AUTS2: variants seen among roughly 807,000 people sequenced by gnomAD.
AUTS2 encodes activator of transcription and developmental regulator AUTS2.
A neutral mutation model predicts 112.4 loss-of-function variants in AUTS2; 17 were observed. The ratio of observed to expected loss-of-function variants is 0.15; its 90% confidence interval spans 0.10 to 0.23. AUTS2 has a LOEUF of 0.23. AUTS2 is among the 10% of genes least tolerant of loss of function. AUTS2 has a pLI of 1.00. For missense variants in AUTS2, 1,510 were observed against 1,701.6 expected (o/e 0.89, Z 1.98); for synonymous variants, 751 against 702.7 (o/e 1.07, Z -1.09).
chr7:69,681,841 T>C (rs541887664), intron 1 of AUTS2, among the ~76,000 whole-genome samples: 1 of 152,352 alleles, frequency 6.6e-6, no homozygotes, highest in Non-Finnish European at 1.5e-5. Flanking sequence ...CTTTTTCTTT[T>C]CTTACTCTTT....
At chr7:70,617,917 G>A (rs143928149) in intron 5 of AUTS2, among the ~76,000 whole-genome samples, 153 of 152,200 alleles carry the variant, frequency 1.0e-3, no homozygotes, top group African/African-American at 3.4e-3. Context: ...CCTCAAGATC[G>A]CTACTTTTGC....
intron 1 of AUTS2, among the ~76,000 whole-genome samples, chr7:69,670,039 T>C (rs1339553890): frequency 6.6e-6 from 1 of 152,192 alleles, no homozygotes; most frequent in Non-Finnish European, 1.5e-5. Context: ...GCTGTGATTT[T>C]TATTATTAGA....
chr7:70,757,868 C>T (rs759118322), intron 6 of AUTS2, among the ~76,000 whole-genome samples: 8 of 114,776 alleles, frequency 7.0e-5, no homozygotes, highest in African/African-American at 1.1e-4. Context: ...CAGGCTTGAG[C>T]GTAAGTAGTG....
At chr7:70,496,769 A>C (rs1585218113) in intron 5 of AUTS2, among the ~76,000 whole-genome samples, 4 of 78,614 alleles carry the variant, frequency 5.1e-5, no homozygotes, top group Admixed American at 1.7e-4. Context: ...CACTCACACC[A>C]CGTACACAGT....
intron 4 of AUTS2, among the ~76,000 whole-genome samples, chr7:70,169,928 T>A (rs1432124792): frequency 6.6e-6 from 1 of 152,174 alleles, no homozygotes; most frequent in Non-Finnish European, 1.5e-5. Flanking sequence ...AAAACTTTAT[T>A]TGCTGCTTAA....
intron 1 of AUTS2, among the ~76,000 whole-genome samples, chr7:69,710,145 T>C (rs549160347): frequency 7.2e-5 from 11 of 152,264 alleles, no homozygotes; most frequent in African/African-American, 2.4e-4. Flanking sequence ...GTCCCTTAAT[T>C]CCCATAAGTA....
intron 2 of AUTS2, among the ~76,000 whole-genome samples, chr7:70,061,545 A>G: frequency 6.6e-6 from 1 of 152,176 alleles, no homozygotes; most frequent in Non-Finnish European, 1.5e-5. Flanking sequence ...TCCAAATGGC[A>G]TTATCCCTTG....
At chr7:70,538,106 G>C (rs777462924) in intron 5 of AUTS2, among the ~76,000 whole-genome samples, 5 of 152,104 alleles carry the variant, frequency 3.3e-5, no homozygotes, top group Admixed American at 3.3e-4. Context: ...GTGTGATGGC[G>C]TGCACCTATA....
chr7:70,116,529 C>T (rs1805364409), intron 2 of AUTS2, among the ~76,000 whole-genome samples: 2 of 152,136 alleles, frequency 1.3e-5, no homozygotes, highest in South Asian at 2.1e-4. Flanking sequence ...TTGAAGTTTC[C>T]TCCTGTCTAG....
chr7:69,835,222 A>G (rs1791669807), intron 1 of AUTS2, among the ~76,000 whole-genome samples: 1 of 152,072 alleles, frequency 6.6e-6, no homozygotes, highest in Admixed American at 6.6e-5. Flanking sequence ...ACAAAGAGTA[A>G]CAGAGCCTCA....
chr7:69,677,471 G>C (rs2533428), intron 1 of AUTS2, among the ~76,000 whole-genome samples: 93,495 of 152,042 alleles, frequency 0.61, 29,060 homozygotes, highest in East Asian at 0.7. Flanking sequence ...CTTTGCCAGC[G>C]TTTCCCTTCT....
chr7:69,931,245 A>G (rs1034710368), intron 2 of AUTS2, among the ~76,000 whole-genome samples: 32 of 152,286 alleles, frequency 2.1e-4, no homozygotes, highest in African/African-American at 5.8e-4. Context: ...CATGCCTGGC[A>G]TAGTGGCACT....
At chr7:70,301,937 GTT>G (rs35067729) in intron 4 of AUTS2, among the ~76,000 whole-genome samples, 2 of 146,780 alleles carry the variant, frequency 1.4e-5, no homozygotes, top group African/African-American at 2.5e-5. Flanking sequence ...GTTTTTTGTG[GTT>G]TTTTTTTTTG....
At chr7:70,668,890 G>A (rs1212644326) in intron 5 of AUTS2, among the ~76,000 whole-genome samples, 1 of 152,186 alleles carries the variant, frequency 6.6e-6, no homozygotes, top group African/African-American at 2.4e-5. Flanking sequence ...CCCTGGGGAG[G>A]GTGGTGGTGG....
At chr7:70,515,727 T>A (rs940440056) in intron 5 of AUTS2, among the ~76,000 whole-genome samples, 14 of 152,136 alleles carry the variant, frequency 9.2e-5, no homozygotes, top group African/African-American at 3.1e-4. Flanking sequence ...TTTTTTTAAA[T>A]TTTATTTCCC....
At chr7:69,925,894 T>C (rs1286331364) in intron 2 of AUTS2, among the ~76,000 whole-genome samples, 2 of 152,196 alleles carry the variant, frequency 1.3e-5, no homozygotes, top group African/African-American at 2.4e-5. Flanking sequence ...GTGGTGCGCC[T>C]ATAGTCCCAG....
intron 4 of AUTS2, among the ~76,000 whole-genome samples, chr7:70,256,980 T>G (rs1044595851): frequency 2.0e-5 from 3 of 152,202 alleles, no homozygotes; most frequent in African/African-American, 7.2e-5. Context: ...CCAGCTATAA[T>G]GGGTAGTCCT....
chr7:70,330,762 G>T (rs1272389857), intron 4 of AUTS2, among the ~76,000 whole-genome samples: 1 of 152,118 alleles, frequency 6.6e-6, no homozygotes, highest in East Asian at 1.9e-4. Flanking sequence ...TGAACACAGG[G>T]TGTCCGTCTA....
At chr7:70,021,911 C>T (rs1435133983) in intron 2 of AUTS2, among the ~76,000 whole-genome samples, 1 of 151,972 alleles carries the variant, frequency 6.6e-6, no homozygotes, top group Non-Finnish European at 1.5e-5. Flanking sequence ...GTGTAAGTGA[C>T]AAATTGCCTT....
Sources: allele counts gnomAD v4.1 joint callset (sites outside exome capture counted in the v4.1 genomes callset), GRCh38; gene constraint gnomAD v4.1.1; transcripts MANE v1.5; gene names NCBI Gene and HGNC (gene_info 2026-07-23, HGNC 2026-07-21).